Variants in NTRK2 observed in about 807,000 individuals in gnomAD.
NTRK2 encodes the protein neurotrophic receptor tyrosine kinase 2, also known as BDNF/NT-3 growth factors receptor.
In NTRK2, 13 loss-of-function variants were observed where a neutral mutation model predicts 94.5. The observed-to-expected ratio is 0.14, with a 90% CI of 0.09 to 0.22. The LOEUF is 0.22. Among genes scored for constraint, NTRK2 ranks in the 10% least tolerant of loss-of-function variants. The pLI is 1.00. For synonymous variants in NTRK2, 372 were observed against 407.4 expected (o/e 0.91, Z 1.05); for missense variants, 639 against 1,071.2 (o/e 0.60, Z 5.63).
intron 17 of NTRK2, among the ~76,000 whole-genome samples, chr9:85,016,722 A>G (rs1443593989): frequency 1.3e-5 from 2 of 152,214 alleles, no homozygotes; most frequent in Admixed American, 1.3e-4. Context: ...GGGTTGCAAA[A>G]GAAATGTTCA....
chr9:84,878,183 T>G (rs1183230410), intron 14 of NTRK2, among the ~76,000 whole-genome samples: 1 of 152,136 alleles, frequency 6.6e-6, no homozygotes, highest in Non-Finnish European at 1.5e-5. Context: ...AATATACTCA[T>G]GCAACATTTT....
At chr9:84,967,814 T>C (rs1373432782) in intron 17 of NTRK2, among the ~76,000 whole-genome samples, 2 of 152,356 alleles carry the variant, frequency 1.3e-5, no homozygotes, top group Non-Finnish European at 2.9e-5. Flanking sequence ...GAGAGATTGA[T>C]GCCCGGGGTT....
chr9:85,013,658 G>C (rs769781605), intron 17 of NTRK2, among the ~76,000 whole-genome samples: 1 of 152,138 alleles, frequency 6.6e-6, no homozygotes, highest in East Asian at 1.9e-4. Context: ...AAGTTTAAAG[G>C]TTCATGAATT....
intron 12 of NTRK2, among the ~76,000 whole-genome samples, chr9:84,860,520 C>CT (rs1020016074): frequency 2.0e-5 from 3 of 152,030 alleles, no homozygotes; most frequent in Admixed American, 6.6e-5. Context: ...TTTTGTGTTG[C>CT]TTTTTTTACC....
At chr9:84,944,372 C>T (rs2078525302) in intron 15 of NTRK2, among the ~76,000 whole-genome samples, 1 of 151,866 alleles carries the variant, frequency 6.6e-6, no homozygotes, top group East Asian at 1.9e-4. Context: ...ACGCCATTCT[C>T]CTGCCTCAGC....
chr9:84,786,865 G>A (rs1019625085), intron 12 of NTRK2, among the ~76,000 whole-genome samples: 2 of 152,046 alleles, frequency 1.3e-5, no homozygotes, highest in Admixed American at 6.6e-5. Flanking sequence ...AAAATATGTC[G>A]AAAATCCACT....
At chr9:84,838,530 A>G (rs534140760) in intron 12 of NTRK2, among the ~76,000 whole-genome samples, 80 of 152,198 alleles carry the variant, frequency 5.3e-4, no homozygotes, top group African/African-American at 1.9e-3. Context: ...AGATGTTATT[A>G]TCAGACATGG....
At chr9:84,927,465 T>C (rs1411141753) in intron 14 of NTRK2, among the ~76,000 whole-genome samples, 2 of 152,134 alleles carry the variant, frequency 1.3e-5, no homozygotes, top group Admixed American at 1.3e-4. Flanking sequence ...TACTCTTCTC[T>C]TTTTCTAGGC....
intron 17 of NTRK2, among the ~76,000 whole-genome samples, chr9:85,005,573 A>G (rs1215244948): frequency 2.0e-5 from 3 of 152,220 alleles, no homozygotes; most frequent in Admixed American, 6.5e-5. Context: ...GTAGATACAG[A>G]TACAGATATA....
At chr9:84,854,339 T>G (rs1174777400) in intron 12 of NTRK2, among the ~76,000 whole-genome samples, 1 of 152,182 alleles carries the variant, frequency 6.6e-6, no homozygotes. Flanking sequence ...TTTGTTTCAC[T>G]TCTTGACTAC....
intron 12 of NTRK2, among the ~76,000 whole-genome samples, chr9:84,756,254 G>A (rs2065073305): frequency 6.6e-6 from 1 of 152,160 alleles, no homozygotes; most frequent in Non-Finnish European, 1.5e-5. Flanking sequence ...CAAAGGAATA[G>A]GCAACCATGC....
intron 14 of NTRK2, 101 bp from the exon 15 acceptor site, chr9:84,934,061 T>C (rs2132714851): frequency 7.6e-7 from 1 of 1,313,968 alleles, no homozygotes; most frequent in Non-Finnish European, 1.1e-6. Context: ...GAGGAGAGAC[T>C]CTTGGGCCTG....
chr9:84,830,336 G>C (rs756771017), intron 12 of NTRK2, among the ~76,000 whole-genome samples: 41 of 152,140 alleles, frequency 2.7e-4, no homozygotes, highest in Non-Finnish European at 4.4e-4. Context: ...ACCCAGGCAG[G>C]GCTTTATTGA....
intron 5 of NTRK2, 106 bp from the exon 6 acceptor site, chr9:84,710,531 G>A: frequency 8.4e-7 from 1 of 1,195,736 alleles, no homozygotes; most frequent in Non-Finnish European, 1.2e-6. Flanking sequence ...TGACTTCCAA[G>A]CATTGCTGGC....
At chr9:84,894,308 C>A (rs1022659155) in intron 14 of NTRK2, among the ~76,000 whole-genome samples, 1 of 152,130 alleles carries the variant, frequency 6.6e-6, no homozygotes, top group Admixed American at 6.5e-5. Context: ...CGACACAGTT[C>A]GTATAAGCAG....
At chr9:84,876,435 A>C (rs2076070040) in intron 14 of NTRK2, 1 of 1,055,044 alleles carries the variant, frequency 9.5e-7, no homozygotes, top group Non-Finnish European at 1.1e-6. Context: ...CCTTCCCTGC[A>C]ACACCCAAAG....
intron 12 of NTRK2, among the ~76,000 whole-genome samples, chr9:84,817,323 G>A (rs567493804): frequency 6.6e-6 from 1 of 152,216 alleles, no homozygotes; most frequent in African/African-American, 2.4e-5. Flanking sequence ...GTCATCCTGG[G>A]TGTGGCCCAA....
At position 84,942,995 on chromosome 9, in the gene NTRK2, G is replaced by T. The variant is rs570055153; in HGVS notation, c.1765-5467G>T. Among the ~76,000 whole-genome samples the T allele has an allele frequency of 1.6e-4, 25 of 152,224 alleles. 1 individual carries two copies. Among genetic ancestry groups the T allele is most frequent in the Middle Eastern group, 6.8e-3 (2 of 294 alleles). Reference sequence around the variant, plus strand: ...CTCATGCATCTTGGTTGACTGGTTTGGGAGTTTTTAAATTTCCCTCTGTGT... The same window carrying T: ...CTCATGCATCTTGGTTGACTGGTTTTGGAGTTTTTAAATTTCCCTCTGTGT... On this transcript the variant is annotated intron_variant, in intron 15 of 18. Coordinates refer to ENST00000277120, the MANE Select transcript of NTRK2 (RefSeq NM_006180.6).
At chr9:84,737,693 G>T (rs148109759) in intron 9 of NTRK2, among the ~76,000 whole-genome samples, 3 of 151,648 alleles carry the variant, frequency 2.0e-5, no homozygotes, top group Non-Finnish European at 4.4e-5. Context: ...GGTTTGTTAC[G>T]TGGGTCTATT....
Sources: gnomAD v4.1 joint callset for allele counts (sites outside exome capture counted in the v4.1 genomes callset) on GRCh38, gnomAD v4.1.1 for gene constraint, MANE v1.5 for transcripts, NCBI Gene and HGNC (gene_info 2026-07-23, HGNC 2026-07-21) for gene names.